RARB: variants seen among roughly 807,000 people sequenced by gnomAD.
RARB encodes the protein HBV-activated protein.
In RARB, 17 loss-of-function variants were observed where a neutral mutation model predicts 51.9. The observed-to-expected ratio is 0.33, with a 90% confidence interval of 0.22 to 0.49. RARB has a LOEUF of 0.49. Among genes scored for constraint, RARB ranks in the 20% least tolerant of loss-of-function variants. The pLI is 0.99. For missense variants in RARB, 369 were observed against 550.8 expected (o/e 0.67, Z 3.30); for synonymous variants, 215 against 195.4 (o/e 1.10, Z -0.84).
rs139936468 is a variant in RARB at position 24,905,996 on chromosome 3, C to T, written c.-380+47244C>T. Among the ~76,000 whole-genome samples, 949 of 152,246 alleles carry T rather than the reference C, an allele frequency of 6.2e-3. 9 individuals are homozygous for T. Among genetic ancestry groups the T allele is most frequent in the South Asian group, 0.013 (62 of 4,826 alleles). On this transcript the variant is annotated intron_variant, in intron 2 of 11. Coordinates refer to the RARB transcript ENST00000383772. ...TATTGACTTTTTCTAGTCTGTTATG[C>T]ACAAGGCATAGGTAAGATAAGACCT...
intron 1 of RARB, 141 bp from the exon 2 acceptor site, chr3:25,461,052 A>T: frequency 1.0e-6 from 1 of 952,480 alleles, no homozygotes; most frequent in Non-Finnish European, 1.5e-6. Context: ...TGGGCCTACA[A>T]TGACAGCTGT....
intron 5 of RARB, among the ~76,000 whole-genome samples, chr3:25,212,578 A>G (rs1363878448): frequency 6.6e-6 from 1 of 152,196 alleles, no homozygotes; most frequent in Non-Finnish European, 1.5e-5. Context: ...AGATCGCACT[A>G]CTGCACTCCA....
chr3:24,960,079 C>A (rs1477730819), intron 2 of RARB, among the ~76,000 whole-genome samples: 1 of 152,152 alleles, frequency 6.6e-6, no homozygotes, highest in Non-Finnish European at 1.5e-5. Flanking sequence ...TGGAACTGAA[C>A]ATGTGGAGAC....
intron 5 of RARB, among the ~76,000 whole-genome samples, chr3:25,222,645 G>A (rs1034577248): frequency 2.0e-5 from 3 of 152,286 alleles, no homozygotes; most frequent in African/African-American, 7.2e-5. Flanking sequence ...AAAGATGATA[G>A]ATGGAAGGAA....
At chr3:24,960,958 C>T (rs755352930) in intron 2 of RARB, among the ~76,000 whole-genome samples, 5 of 152,024 alleles carry the variant, frequency 3.3e-5, no homozygotes, top group Admixed American at 6.6e-5. Context: ...TAACTAGTGG[C>T]GGGGCCTGTG....
chr3:25,022,262 G>A (rs2125285465), intron 2 of RARB, among the ~76,000 whole-genome samples: 1 of 152,262 alleles, frequency 6.6e-6, no homozygotes, highest in African/African-American at 2.4e-5. Context: ...CTCACCCTAA[G>A]GGTAACCAAT....
intron 5 of RARB, among the ~76,000 whole-genome samples, chr3:25,219,177 A>C (rs1413019578): frequency 1.3e-5 from 2 of 152,144 alleles, no homozygotes; most frequent in African/African-American, 4.8e-5. Flanking sequence ...TATAAAATTT[A>C]ATAGATAATA....
intron 2 of RARB, among the ~76,000 whole-genome samples, chr3:24,963,132 A>G (rs1696177653): frequency 1.3e-5 from 2 of 151,998 alleles, no homozygotes; most frequent in African/African-American, 2.4e-5. Flanking sequence ...GTGATTTCCA[A>G]TTTTTAAACT....
chr3:25,331,805 A>G (rs1355157423), intron 5 of RARB, among the ~76,000 whole-genome samples: 1 of 152,232 alleles, frequency 6.6e-6, no homozygotes, highest in Non-Finnish European at 1.5e-5. Flanking sequence ...AAAAGAGAGA[A>G]GAATCAAATA....
intron 1 of RARB, among the ~76,000 whole-genome samples, chr3:24,851,096 A>T (rs1404310453): frequency 1.3e-5 from 2 of 152,098 alleles, no homozygotes; most frequent in Non-Finnish European, 2.9e-5. Flanking sequence ...AGGGTAGATC[A>T]GATGAAGACA....
At chr3:25,073,442 GC>G (rs1486066974) in intron 3 of RARB, among the ~76,000 whole-genome samples, 1 of 152,224 alleles carries the variant, frequency 6.6e-6, no homozygotes, top group Non-Finnish European at 1.5e-5. Context: ...GACAGTGAAA[GC>G]CTTTCAAAAT....
chr3:24,994,001 T>C, intron 2 of RARB, among the ~76,000 whole-genome samples: 1 of 152,170 alleles, frequency 6.6e-6, no homozygotes, highest in East Asian at 1.9e-4. Flanking sequence ...AATGATTTTC[T>C]TTCCTTTGGA....
intron 5 of RARB, among the ~76,000 whole-genome samples, chr3:25,309,590 C>T (rs532826423): frequency 8.1e-5 from 12 of 148,684 alleles, no homozygotes; most frequent in Admixed American, 4.7e-4. Context: ...CTCCCCCTCC[C>T]GAGTTCAAGC....
chr3:25,472,836 T>C (rs1695763895), intron 2 of RARB, among the ~76,000 whole-genome samples: 1 of 152,194 alleles, frequency 6.6e-6, no homozygotes, highest in Non-Finnish European at 1.5e-5. Flanking sequence ...TAGATTCCAG[T>C]GTCATCACAC....
chr3:25,460,638 G>T (rs748321132), intron 1 of RARB, among the ~76,000 whole-genome samples: 17 of 151,742 alleles, frequency 1.1e-4, no homozygotes, highest in Non-Finnish European at 2.4e-4. Context: ...AGTAGAGATG[G>T]GGTTTCACCA....
intron 2 of RARB, among the ~76,000 whole-genome samples, chr3:25,006,438 A>T (rs988925900): frequency 5.3e-5 from 8 of 152,174 alleles, no homozygotes; most frequent in African/African-American, 1.9e-4. Flanking sequence ...AATAAAGAAA[A>T]CTACCCATCT....
chr3:24,889,855 G>A (rs1299845512), intron 2 of RARB, among the ~76,000 whole-genome samples: 1 of 150,438 alleles, frequency 6.6e-6, no homozygotes, highest in Non-Finnish European at 1.5e-5. Flanking sequence ...AAGAGCTGTT[G>A]AGAATTTTGG....
At position 24,873,209 on chromosome 3, in the gene RARB, A is replaced by G. The variant is rs944175532; in HGVS notation, c.-380+14457A>G. The stretch of plus-strand genomic sequence containing the variant: ...CTTATCTTTTTGTAAGGTTAGAATT[A>G]TCTCTTATGTCAATGAATAGCTTAT... On this transcript the variant is annotated intron_variant, in intron 2 of 11. Transcript: ENST00000383772. Among the ~76,000 whole-genome samples, 7 of 152,344 alleles carry G rather than the reference A, an allele frequency of 4.6e-5. No homozygotes were observed. In the East Asian group the frequency reaches 7.7e-4, roughly 17 times the overall value.
At chr3:25,307,878 C>T (rs322693) in intron 5 of RARB, among the ~76,000 whole-genome samples, 2 of 152,132 alleles carry the variant, frequency 1.3e-5, no homozygotes, top group Non-Finnish European at 2.9e-5. Flanking sequence ...TATTGGAACA[C>T]AATCATGTTT....
Sources: allele counts gnomAD v4.1 joint callset (sites outside exome capture counted in the v4.1 genomes callset), GRCh38; gene constraint gnomAD v4.1.1; transcripts MANE v1.5; gene names NCBI Gene and HGNC (gene_info 2026-07-23, HGNC 2026-07-21).